EXOSC8: variants seen among roughly 807,000 people sequenced by gnomAD.
The protein encoded by EXOSC8 is exosome component 8, also known as exosome complex component RRP43.
In EXOSC8, 37 loss-of-function variants were observed where a neutral mutation model predicts 39.9. That is an observed-to-expected ratio of 0.93 (90% CI 0.71 to 1.22). The LOEUF is 1.22. EXOSC8 is among the 50% of genes most tolerant of loss of function. The pLI is 0.00. For synonymous variants in EXOSC8, 93 were observed against 109.5 expected, an observed-to-expected ratio of 0.85 and a Z score of 0.94; for missense variants, 313 against 326.6, an observed-to-expected ratio of 0.96 and a Z score of 0.32.
intron 4 of EXOSC8, 182 bp downstream of exon 4, chr13:37,003,189 G>A (rs1405154022): frequency 7.5e-5 from 38 of 505,060 alleles, no homozygotes. Context: ...ATGACTAAGT[G>A]AACAATTGTC....
intron 5 of EXOSC8, among the ~76,000 whole-genome samples, chr13:37,005,155 A>G (rs1454901990): frequency 6.6e-6 from 1 of 152,122 alleles, no homozygotes; most frequent in East Asian, 1.9e-4. Context: ...AAGTCAAAGA[A>G]CTGTCATTGC....
chr13:37,003,159 G>A (rs2059117493), intron 4 of EXOSC8, 152 bp downstream of exon 4: 2 of 521,086 alleles, frequency 3.8e-6, no homozygotes, highest in Admixed American at 3.7e-5. Flanking sequence ...ATGAGTGTTA[G>A]ATAATATGAC....
At chr13:37,003,170 C>T (rs2138844932) in intron 4 of EXOSC8, 163 bp downstream of exon 4, 1 of 497,970 alleles carries the variant, frequency 2.0e-6, no homozygotes. Flanking sequence ...ATAATATGAC[C>T]CAAGTTTAAT....
chr13:37,001,977 ACT>A (rs1224240274), intron 1 of EXOSC8, among the ~76,000 whole-genome samples: 26 of 152,244 alleles, frequency 1.7e-4, no homozygotes, highest in African/African-American at 6.3e-4. Flanking sequence ...TCACTAGATC[ACT>A]CTGAATCCTT....
chr13:37,006,558 A>T (rs1346785092), intron 7 of EXOSC8, among the ~76,000 whole-genome samples: 1 of 152,168 alleles, frequency 6.6e-6, no homozygotes, highest in Non-Finnish European at 1.5e-5. Context: ...GAACCTAGAG[A>T]GGCTTTCCTA....
rs566096228 is a variant in EXOSC8, at chr13:37,009,204, G to A, written c.736G>A (p.Ala246Thr). ...TTCAGGTGGAAGTGGGCTAACTGGA[G>A]CTAAACTTCAGGACTGTATGAGCCG... is the stretch of plus-strand genomic sequence containing the variant. ...HKPGGSGLTG[A>T]KLQDCMSRAV... Residue 246 changes from alanine to threonine, a missense_variant, in exon 11 of 11, where the codon GCT becomes ACT. Ala to Thr is a moderately conservative substitution (Grantham distance 58). Transcript: ENST00000389704. 1.8e-5 allele frequency: 29 copies of A among 1,611,460 alleles called. No individual in the cohort carries two copies. The South Asian group carries it at 2.8e-4, about 15-fold the overall frequency.
chr13:37,000,820 C>T lies in EXOSC8; in HGVS notation c.15C>T (p.Phe5=), dbSNP rs369381650. Residue 5 remains phenylalanine (F), a splice_region_variant and synonymous_variant, in exon 1 of 11, where the codon TTC becomes TTT. Transcript: ENST00000389704. ...CGGGCGGGAAGATGGCGGCTGGGTT[C>T]AAGTGAGTGTTGGCGGGTGGCGGGT... MAAG[F]KTVEPLEYYR... 2.5e-6 allele frequency: 4 copies of T among 1,579,524 alleles called. No homozygotes were observed. The highest frequency in any genetic ancestry group is 1.4e-5 in the African/African-American group (1 of 73,688).
chr13:37,006,314 A>G (rs1043121989), intron 7 of EXOSC8, among the ~76,000 whole-genome samples, 154 bp downstream of exon 7: 4 of 152,290 alleles, frequency 2.6e-5, no homozygotes, highest in East Asian at 1.9e-4. Context: ...TTCTTACTCT[A>G]TAATTCTCTA....
At chr13:37,005,842 A>C in intron 5 of EXOSC8, 78 bp from the exon 6 acceptor site, 1 of 763,162 alleles carries the variant, frequency 1.3e-6, no homozygotes, top group Non-Finnish European at 2.1e-6. Flanking sequence ...CCAGCCTGGC[A>C]ACAGAGCAAG....
In EXOSC8 at chr13:37,004,513, T is replaced by C. The variant is rs750340849; in HGVS notation, c.193-3T>C. ...AATAGGAAACATTTCTTTGCTACTA[T>C]AGGAATTTGCAGCACCATCAACAGA... On this transcript the variant is annotated splice_region_variant and splice_polypyrimidine_tract_variant and intron_variant, in intron 4 of 10. Transcript: ENST00000389704. 2.5e-6 allele frequency: 4 copies of C among 1,603,152 alleles called. No homozygotes were observed. The South Asian group carries it at 3.3e-5, about 13-fold the overall frequency.
At position 37,005,969 on chromosome 13, in the gene EXOSC8, A is replaced by G; in HGVS notation, c.288A>G (p.Gly96=). 1.9e-6 allele frequency: 3 copies of G among 1,608,658 alleles called. No individual in the cohort carries two copies. Among genetic ancestry groups the G allele is most frequent in the Non-Finnish European group, 2.5e-6 (3 of 1,177,010 alleles). The change falls in exon 6 of 11, where the codon GGA becomes GGG. Residue 96 remains glycine (G), a synonymous_variant. Transcript: ENST00000389704. The part of the protein sequence containing the change: ...PPLCSSRFRS[G]PPGEEAQVAS... ...TGTGTTCATCGAGATTCCGGTCTGGACCTCCTGGAGAAGAGGCCCAAGTGG... is the reference window on the plus strand; with the variant it reads ...TGTGTTCATCGAGATTCCGGTCTGGGCCTCCTGGAGAAGAGGCCCAAGTGG...
chr13:37,006,846 A>C, intron 7 of EXOSC8, 129 bp from the exon 8 acceptor site: 1 of 603,478 alleles, frequency 1.7e-6, no homozygotes, highest in Non-Finnish European at 2.9e-6. Context: ...GCATTTTCTT[A>C]AGGTTTTTGA....
Position 37,006,141 on chromosome 13 carries a change from T to TA in EXOSC8, c.372dup (p.Cys125MetfsTer14). 1.2e-6 allele frequency: 2 copies of TA among 1,610,256 alleles called. No individual in the cohort carries two copies. Among genetic ancestry groups the TA allele is most frequent in the Non-Finnish European group, 1.7e-6 (2 of 1,176,768 alleles). On this transcript the variant is annotated frameshift_variant, in exon 7 of 11. Transcript: ENST00000389704. LOFTEE classifies it high-confidence loss of function. Reference sequence around the variant, plus strand: ...TCACAGATAATTCAGAAAGAGGACTTATGCATTTCTCCAGGAAAGGTAAGA... The same window carrying TA: ...TCACAGATAATTCAGAAAGAGGACTTAATGCATTTCTCCAGGAAAGGTAAGA...
At chr13:37,000,964 G>A in intron 1 of EXOSC8, 142 bp downstream of exon 1, 1 of 1,034,424 alleles carries the variant, frequency 9.7e-7, no homozygotes, top group Admixed American at 3.1e-5. Context: ...CGATGGGCGG[G>A]AGGACCTGGA....
chr13:37,000,969 C>G (rs1324868406), intron 1 of EXOSC8, 147 bp downstream of exon 1: 11 of 1,029,328 alleles, frequency 1.1e-5, no homozygotes, highest in African/African-American at 3.3e-5. Context: ...GGCGGGAGGA[C>G]CTGGAGGTTG....
intron 9 of EXOSC8, among the ~76,000 whole-genome samples, chr13:37,008,405 A>G (rs550030998): frequency 3.3e-5 from 5 of 152,334 alleles, no homozygotes; most frequent in Admixed American, 2.0e-4. Flanking sequence ...TTCTTTCACT[A>G]TAAGATTTAT....
At chr13:37,003,127 T>G in intron 4 of EXOSC8, 120 bp downstream of exon 4, 1 of 644,058 alleles carries the variant, frequency 1.6e-6, no homozygotes. Flanking sequence ...TTTTAATGTT[T>G]AATTTCCCAA....
At position 37,002,974 on chromosome 13, in the gene EXOSC8, G is replaced by A; in HGVS notation, c.159G>A (p.Leu53=). 8 of 1,609,478 alleles carry A rather than the reference G, an allele frequency of 5.0e-6. No homozygotes were observed. The highest frequency in any genetic ancestry group is 6.0e-6 in the Non-Finnish European group (7 of 1,176,084). The change falls in exon 4 of 11, where the codon TTG becomes TTA. Residue 53 remains leucine, a synonymous_variant. Coordinates refer to ENST00000389704, the MANE Select transcript of EXOSC8 (RefSeq NM_181503.3). ...STADGSALVK[L]GNTTVICGVK... is the part of the protein sequence containing the mutation. ...CAGATGGTTCTGCTTTAGTGAAGTT[G>A]GGAAATACTACAGTAATCTGTGGAG...
intron 1 of EXOSC8, 146 bp from the exon 2 acceptor site, chr13:37,002,127 A>G (rs1006558333): frequency 3.5e-6 from 2 of 579,668 alleles, no homozygotes; most frequent in African/African-American, 1.9e-5. Flanking sequence ...TTGCTACTAC[A>G]AGGATTTTTA....
Sources: allele counts gnomAD v4.1 joint callset (sites outside exome capture counted in the v4.1 genomes callset), GRCh38; gene constraint gnomAD v4.1.1; transcripts MANE v1.5; gene names NCBI Gene and HGNC (gene_info 2026-07-23, HGNC 2026-07-21).